Variants in SIPA1L3 observed in about 807,000 individuals in gnomAD.
SIPA1L3 encodes the protein signal induced proliferation associated 1 like 3.
A neutral mutation model predicts 150.1 loss-of-function variants in SIPA1L3; 59 were observed. The observed-to-expected ratio is 0.39, with a 90% CI of 0.32 to 0.49. The LOEUF is 0.49. Among genes scored for constraint, SIPA1L3 ranks in the 20% least tolerant of loss-of-function variants. The pLI, the probability that SIPA1L3 is intolerant of heterozygous loss-of-function variation, is 0.86. For missense variants in SIPA1L3, 2,211 were observed against 2,489.5 expected (o/e 0.89, Z 2.38); for synonymous variants, 1,070 against 1,077.6 (o/e 0.99, Z 0.14).
intron 2 of SIPA1L3, among the ~76,000 whole-genome samples, chr19:38,034,921 G>A (rs1317060843): frequency 1.3e-5 from 2 of 152,234 alleles, no homozygotes; most frequent in Admixed American, 1.3e-4. Flanking sequence ...CGTCCCTGTA[G>A]AGTAGTGGGG....
At chr19:38,054,938 G>GT (rs1969283826) in intron 2 of SIPA1L3, among the ~76,000 whole-genome samples, 1 of 152,206 alleles carries the variant, frequency 6.6e-6, no homozygotes, top group Non-Finnish European at 1.5e-5. Context: ...CCTGCTGCTG[G>GT]TGGAGGAATG....
chr19:38,123,661 T>C (rs1245644138), intron 9 of SIPA1L3, among the ~76,000 whole-genome samples: 2 of 152,114 alleles, frequency 1.3e-5, no homozygotes, highest in Admixed American at 6.6e-5. Flanking sequence ...CCCATGTCTA[T>C]TTCTTTCTAC....
At chr19:37,993,035 A>C (rs1967552346) in intron 1 of SIPA1L3, among the ~76,000 whole-genome samples, 1 of 152,198 alleles carries the variant, frequency 6.6e-6, no homozygotes, top group African/African-American at 2.4e-5. Context: ...CTAAGCACAG[A>C]GGTGGTACCC....
chr19:38,147,115 G>T (rs901473747), intron 12 of SIPA1L3, among the ~76,000 whole-genome samples: 4 of 152,038 alleles, frequency 2.6e-5, no homozygotes, highest in Admixed American at 6.6e-5. Flanking sequence ...AAGCCGGAGT[G>T]CAGTGGTGTC....
chr19:38,060,093 G>A (rs1415354433), intron 2 of SIPA1L3, among the ~76,000 whole-genome samples: 7 of 152,130 alleles, frequency 4.6e-5, no homozygotes, highest in Non-Finnish European at 1.5e-5. Flanking sequence ...CTTTCTAAAA[G>A]CAACTGCTCT....
intron 10 of SIPA1L3, among the ~76,000 whole-genome samples, chr19:38,137,798 G>A (rs551003171): frequency 3.3e-5 from 5 of 152,080 alleles, no homozygotes; most frequent in East Asian, 1.9e-4. Context: ...CTTTGAGGTC[G>A]TACCCAGGGA....
chr19:38,077,132 A>G (rs1969854922), intron 2 of SIPA1L3, among the ~76,000 whole-genome samples: 1 of 152,144 alleles, frequency 6.6e-6, no homozygotes, highest in African/African-American at 2.4e-5. Flanking sequence ...GAGGCAGCAG[A>G]TGAGTTCCCA....
chr19:38,135,655 T>G (rs1391851206), intron 10 of SIPA1L3, among the ~76,000 whole-genome samples: 2 of 151,786 alleles, frequency 1.3e-5, no homozygotes, highest in African/African-American at 4.8e-5. Flanking sequence ...GACAGAGGAG[T>G]TCTTCTCCCT....
rs1973274858 is a variant in SIPA1L3 at position 38,208,285 on chromosome 19, T to C, written c.*2045T>C. On this transcript the variant is annotated 3_prime_UTR_variant, in exon 22 of 22. Coordinates refer to ENST00000222345, the MANE Select transcript of SIPA1L3 (RefSeq NM_015073.3). ...TGGATTTTTTTTTTATTATTCTTTA[T>C]TGTCTTTTTTTTTTCCCCATCCCTG... The C allele has an allele frequency of 6.6e-6, 1 of 152,418 alleles. No individual in the cohort carries two copies. Among genetic ancestry groups the C allele is most frequent in the African/African-American group, 2.4e-5 (1 of 41,356 alleles). 9.4% of individuals were successfully genotyped at this position (152,418 alleles called of 1,614,324 possible). A position where few individuals can be genotyped will look rare whatever the true frequency, so the allele number is the denominator to read the frequency against.
chr19:38,130,175 A>C (rs1971273158), intron 9 of SIPA1L3, among the ~76,000 whole-genome samples: 1 of 152,138 alleles, frequency 6.6e-6, no homozygotes, highest in African/African-American at 2.4e-5. Flanking sequence ...CCACCCAACC[A>C]CAAGGGAGCC....
chr19:37,946,469 A>G (rs770913346), intron 1 of SIPA1L3, among the ~76,000 whole-genome samples: 21 of 152,212 alleles, frequency 1.4e-4, no homozygotes, highest in Middle Eastern at 3.2e-3. Context: ...TGGGTAACCA[A>G]AAGTTACCAA....
intron 2 of SIPA1L3, among the ~76,000 whole-genome samples, chr19:38,036,858 T>C (rs1466346499): frequency 1.3e-5 from 2 of 152,056 alleles, no homozygotes; most frequent in Admixed American, 1.3e-4. Flanking sequence ...TCTTGGAGCC[T>C]CACAGGCTGC....
At chr19:37,908,933 C>G (rs1358759459) in intron 1 of SIPA1L3, among the ~76,000 whole-genome samples, 1 of 152,170 alleles carries the variant, frequency 6.6e-6, no homozygotes, top group Admixed American at 6.5e-5. Flanking sequence ...GATGTGGAGC[C>G]TGTGCTTCTT....
At chr19:37,980,823 C>G (rs1316657516) in intron 1 of SIPA1L3, among the ~76,000 whole-genome samples, 1 of 152,182 alleles carries the variant, frequency 6.6e-6, no homozygotes, top group Non-Finnish European at 1.5e-5. Context: ...GTTATTGGGG[C>G]TGGTTAATGA....
At chr19:37,992,742 G>A (rs1254570291) in intron 1 of SIPA1L3, among the ~76,000 whole-genome samples, 1 of 152,170 alleles carries the variant, frequency 6.6e-6, no homozygotes, top group East Asian at 1.9e-4. Context: ...GTGGTGACAT[G>A]AGGCTCCATG....
chr19:38,184,110 T>C (rs971570008), intron 16 of SIPA1L3, among the ~76,000 whole-genome samples: 1 of 152,082 alleles, frequency 6.6e-6, no homozygotes, highest in Non-Finnish European at 1.5e-5. Context: ...CAGTTCTAAG[T>C]GGTTTGATGC....
intron 1 of SIPA1L3, among the ~76,000 whole-genome samples, chr19:37,970,824 C>T (rs1015413866): frequency 1.3e-5 from 2 of 152,206 alleles, no homozygotes; most frequent in African/African-American, 4.8e-5. Context: ...GTAACAGACC[C>T]AGGATAGTAG....
intron 17 of SIPA1L3, 50 bp from the exon 18 acceptor site, chr19:38,193,487 G>A (rs199921189): frequency 8.2e-5 from 116 of 1,416,520 alleles, no homozygotes; most frequent in Middle Eastern, 3.7e-4. Flanking sequence ...GAGGACCCTG[G>A]CTATGAGCCA....
At chr19:38,179,728 A>G (rs1972517057) in intron 15 of SIPA1L3, among the ~76,000 whole-genome samples, 1 of 152,236 alleles carries the variant, frequency 6.6e-6, no homozygotes, top group Non-Finnish European at 1.5e-5. Context: ...AAGAAATAAG[A>G]AAGCATATAC....
Sources: gnomAD v4.1 joint callset for allele counts (sites outside exome capture counted in the v4.1 genomes callset) on GRCh38, gnomAD v4.1.1 for gene constraint, MANE v1.5 for transcripts, NCBI Gene and HGNC (gene_info 2026-07-23, HGNC 2026-07-21) for gene names.